The following FBXL17 variants were observed in gnomAD, a reference collection of about 807,000 sequenced individuals.
FBXL17 encodes the protein F-box/LRR-repeat protein 17.
FBXL17 carries 22 observed loss-of-function variants against 66.2 expected under a neutral mutation model. That is an observed-to-expected ratio of 0.33 (90% CI 0.24 to 0.47). FBXL17 has a LOEUF of 0.47. FBXL17 is among the 20% of genes least tolerant of loss of function. FBXL17 has a pLI of 1.00. For missense variants in FBXL17, 878 were observed against 948.2 expected, an observed-to-expected ratio of 0.93 and a Z score of 0.97; for synonymous variants, 474 against 400.5, an observed-to-expected ratio of 1.18 and a Z score of -2.19.
intron 6 of FBXL17, among the ~76,000 whole-genome samples, chr5:108,106,308 C>A (rs1749793669): frequency 6.6e-6 from 1 of 152,166 alleles, no homozygotes; most frequent in Non-Finnish European, 1.5e-5. Flanking sequence ...TTAAACTCTG[C>A]TAGCAGGATT....
At chr5:108,345,074 C>T (rs1246853884) in intron 4 of FBXL17, among the ~76,000 whole-genome samples, 1 of 152,092 alleles carries the variant, frequency 6.6e-6, no homozygotes, top group African/African-American at 2.4e-5. Context: ...GTGGCTCACA[C>T]CTGTAATCCC....
At chr5:108,206,723 G>GTGGTA (rs1754133970) in intron 5 of FBXL17, among the ~76,000 whole-genome samples, 1 of 152,124 alleles carries the variant, frequency 6.6e-6, no homozygotes, top group African/African-American at 2.4e-5. Flanking sequence ...AACACCCTGT[G>GTGGTA]TGGTATTCCA....
intron 6 of FBXL17, among the ~76,000 whole-genome samples, chr5:108,143,726 GAAAAAAAAAAAAAA>G (rs67537467): frequency 4.2e-4 from 45 of 107,530 alleles, no homozygotes; most frequent in African/African-American, 1.8e-3. Flanking sequence ...GTTTTCATGG[GAAAAAAAAAAAAAA>G]AAAAAAAAAA....
intron 6 of FBXL17, among the ~76,000 whole-genome samples, chr5:108,172,298 A>G (rs1457465461): frequency 6.6e-6 from 1 of 152,192 alleles, no homozygotes. Context: ...AAAGCTCAGA[A>G]GGCCCACAAC....
intron 3 of FBXL17, 82 bp from the exon 4 acceptor site, chr5:108,348,612 GAA>G (rs1747432441): frequency 7.0e-7 from 1 of 1,426,342 alleles, no homozygotes; most frequent in African/African-American, 1.4e-5. Flanking sequence ...ATAATTTTTT[GAA>G]AATAACCACG....
At chr5:108,212,076 A>G (rs1309434697) in intron 5 of FBXL17, among the ~76,000 whole-genome samples, 1 of 151,786 alleles carries the variant, frequency 6.6e-6, no homozygotes, top group African/African-American at 2.4e-5. Flanking sequence ...CATTAAGTTG[A>G]TCTTCAATCA....
intron 6 of FBXL17, among the ~76,000 whole-genome samples, chr5:108,140,212 A>T (rs1751298840): frequency 6.6e-6 from 1 of 151,644 alleles, no homozygotes; most frequent in Admixed American, 6.6e-5. Flanking sequence ...CATCAAGCTA[A>T]TTTTTCTGTT....
Position 108,037,127 on chromosome 5 carries a change from C to T in FBXL17, c.1746-16126G>A, listed in dbSNP as rs189977182. ...GAATTTCTCTCAGTAAACATATCTC[C>T]TATGCTAGGTAAGACAAAAGGATTG... On this transcript the variant is annotated intron_variant, in intron 6 of 8. Coordinates refer to ENST00000542267, the MANE Select transcript of FBXL17 (RefSeq NM_001163315.3). Among the ~76,000 whole-genome samples, 169 of 152,108 alleles carry T rather than the reference C, an allele frequency of 1.1e-3. 1 individual carries two copies. Among genetic ancestry groups the T allele is most frequent in the South Asian group, 3.3e-3 (16 of 4,812 alleles).
At chr5:108,009,308 T>TATAGATAGATAGATATATACAC in intron 7 of FBXL17, among the ~76,000 whole-genome samples, 2 of 42,210 alleles carry the variant, frequency 4.7e-5, no homozygotes, top group African/African-American at 1.8e-4. Flanking sequence ...TATACATATA[T>TATAGATAGATAGATATATACAC]ACATACACAT....
intron 6 of FBXL17, among the ~76,000 whole-genome samples, chr5:108,054,916 T>C (rs1368451205): frequency 6.6e-6 from 1 of 152,122 alleles, no homozygotes; most frequent in African/African-American, 2.4e-5. Context: ...TTATGTTTGT[T>C]TGATAGGTGA....
intron 7 of FBXL17, among the ~76,000 whole-genome samples, chr5:107,921,598 T>A (rs1383825796): frequency 1.3e-5 from 2 of 152,192 alleles, no homozygotes; most frequent in Non-Finnish European, 2.9e-5. Flanking sequence ...TACTTACTGT[T>A]AAACCAACTC....
intron 6 of FBXL17, among the ~76,000 whole-genome samples, chr5:108,169,763 A>G (rs1225648071): frequency 6.6e-6 from 1 of 152,050 alleles, no homozygotes; most frequent in Non-Finnish European, 1.5e-5. Context: ...ACTTATTTTG[A>G]CTTATTCTAT....
intron 4 of FBXL17, among the ~76,000 whole-genome samples, chr5:108,309,457 T>C (rs1386457717): frequency 2.6e-5 from 4 of 152,034 alleles, no homozygotes; most frequent in African/African-American, 9.6e-5. Flanking sequence ...TTCATCTTTT[T>C]AAAAACAAAG....
intron 7 of FBXL17, among the ~76,000 whole-genome samples, chr5:107,950,809 A>G (rs1334156334): frequency 6.6e-6 from 1 of 152,250 alleles, no homozygotes; most frequent in Non-Finnish European, 1.5e-5. Context: ...AGAGCAAATT[A>G]AGAATCACAT....
In FBXL17 at chr5:108,079,257, G is replaced by A. The variant is rs78188214; in HGVS notation, c.1746-58256C>T. 8.4e-3 allele frequency among the ~76,000 whole-genome samples: 1,272 copies of A among 152,006 alleles called. 18 individuals are homozygous for A. The highest frequency in any genetic ancestry group is 0.028 in the African/African-American group (1,163 of 41,450). On this transcript the variant is annotated intron_variant, in intron 6 of 8. Transcript: ENST00000542267. ...CTATAAATGCTTATTAGAAAGCTAG[G>A]TGATTCTTAATGAGACCAGTGGGAA...
In FBXL17 at chr5:107,869,268, C is replaced by T. The variant is rs546193950; in HGVS notation, c.1966-7408G>A. ...CGCCTCTGGAGCCTGCTTCTCTCCG[C>T]GTTTCTTGGCTCTCTGGGAAACTGT... is the stretch of plus-strand genomic sequence containing the variant. On this transcript the variant is annotated intron_variant, in intron 8 of 8. Transcript: ENST00000542267. Among the ~76,000 whole-genome samples the T allele has an allele frequency of 2.2e-4, 33 of 152,274 alleles. 1 individual carries two copies. Among genetic ancestry groups the T allele is most frequent in the East Asian group, 5.8e-4 (3 of 5,174 alleles).
intron 7 of FBXL17, among the ~76,000 whole-genome samples, chr5:108,014,749 T>C (rs1460922730): frequency 1.3e-5 from 2 of 152,224 alleles, no homozygotes; most frequent in African/African-American, 4.8e-5. Context: ...GCTTTCATGC[T>C]GCTGATAAAG....
chr5:108,251,661 C>T (rs573690767), intron 4 of FBXL17, among the ~76,000 whole-genome samples: 105 of 152,150 alleles, frequency 6.9e-4, no homozygotes, highest in African/African-American at 2.4e-3. Context: ...CATGCAGTAG[C>T]TTTCCTTTAG....
At chr5:108,026,265 C>T (rs1017326893) in intron 6 of FBXL17, among the ~76,000 whole-genome samples, 1 of 152,132 alleles carries the variant, frequency 6.6e-6, no homozygotes, top group Non-Finnish European at 1.5e-5. Flanking sequence ...ACATCTTAAC[C>T]TTGCAGAAAT....
Sources: gnomAD v4.1 joint callset for allele counts (sites outside exome capture counted in the v4.1 genomes callset) on GRCh38, gnomAD v4.1.1 for gene constraint, MANE v1.5 for transcripts, NCBI Gene and HGNC (gene_info 2026-07-23, HGNC 2026-07-21) for gene names.